Variants in XPR1 observed in about 807,000 individuals in gnomAD.
The protein encoded by XPR1 is solute carrier family 53 member 1.
XPR1 carries 28 observed loss-of-function variants against 87.5 expected under a neutral mutation model. The observed-to-expected ratio is 0.32, with a 90% CI of 0.24 to 0.44. The LOEUF (loss-of-function observed/expected upper bound fraction) is 0.44. Ranked by LOEUF, XPR1 falls within the 20% of genes least tolerant of loss-of-function variation. XPR1 has a pLI of 1.00. For synonymous variants in XPR1, 300 were observed against 306.1 expected, an observed-to-expected ratio of 0.98 and a Z score of 0.21; for missense variants, 559 against 862.3, an observed-to-expected ratio of 0.65 and a Z score of 4.41.
intron 2 of XPR1, among the ~76,000 whole-genome samples, chr1:180,738,508 C>T (rs1478088590): frequency 6.6e-6 from 1 of 152,048 alleles, no homozygotes; most frequent in African/African-American, 2.4e-5. Context: ...TTATTGAGGT[C>T]TAATTCACCT....
intron 1 of XPR1, among the ~76,000 whole-genome samples, chr1:180,664,559 C>T (rs1165949855): frequency 1.3e-5 from 2 of 152,178 alleles, no homozygotes; most frequent in African/African-American, 2.4e-5. Context: ...TCTCTTCACA[C>T]AGAAGGAAGG....
intron 2 of XPR1, among the ~76,000 whole-genome samples, chr1:180,741,730 G>A (rs1658930622): frequency 1.3e-5 from 2 of 152,076 alleles, no homozygotes; most frequent in Admixed American, 1.3e-4. Context: ...CAGGTGATCT[G>A]CCCACCTCAG....
intron 2 of XPR1, among the ~76,000 whole-genome samples, chr1:180,756,229 G>T (rs574528327): frequency 7.2e-5 from 11 of 152,286 alleles, no homozygotes; most frequent in Non-Finnish European, 1.3e-4. Flanking sequence ...TAACTGTCTT[G>T]CAATCTTCTG....
At chr1:180,829,757 A>G (rs1250152675) in intron 9 of XPR1, among the ~76,000 whole-genome samples, 2 of 151,968 alleles carry the variant, frequency 1.3e-5, no homozygotes, top group Non-Finnish European at 2.9e-5. Flanking sequence ...ATTATATAAC[A>G]TTTACTACTC....
intron 11 of XPR1, among the ~76,000 whole-genome samples, chr1:180,845,887 T>C (rs1412117631): frequency 2.0e-5 from 3 of 152,184 alleles, no homozygotes; most frequent in Admixed American, 6.5e-5. Flanking sequence ...AACTAACATA[T>C]TAATGTTGTT....
intron 10 of XPR1, among the ~76,000 whole-genome samples, chr1:180,835,496 A>G (rs1195963864): frequency 2.0e-5 from 3 of 150,300 alleles, no homozygotes; most frequent in South Asian, 4.2e-4. Context: ...CCGTTTTCGC[A>G]CCCCCCCCTT....
chr1:180,855,702 C>T (rs933153705), intron 11 of XPR1, among the ~76,000 whole-genome samples: 14 of 151,176 alleles, frequency 9.3e-5, no homozygotes, highest in Non-Finnish European at 1.0e-4. Context: ...GACGGTTTTA[C>T]TATAACTTTC....
At chr1:180,835,079 C>A in intron 10 of XPR1, 34 bp downstream of exon 10, 1 of 1,599,630 alleles carries the variant, frequency 6.3e-7, no homozygotes, top group Non-Finnish European at 8.5e-7. Context: ...ACTACTAAAT[C>A]GCTGGTGTAA....
chr1:180,887,173 C>G lies in XPR1; in HGVS notation c.*3107C>G, dbSNP rs1265361162. 6.6e-6 allele frequency: 1 copy of G among 152,210 alleles called. No homozygotes were observed. The highest frequency in any genetic ancestry group is 2.4e-5 in the African/African-American group (1 of 41,442). The allele number at this position is 152,210 out of a possible 1,614,324, so 9.4% of individuals were successfully genotyped here. On this transcript the variant is annotated 3_prime_UTR_variant, in exon 15 of 15. Coordinates refer to ENST00000367590, the MANE Select transcript of XPR1 (RefSeq NM_004736.4). ...ACTGCCTGGGCAACAGAGCAAGACT[C>G]CATCTCAAAAACAAACAAAAAAAAT... is the stretch of plus-strand genomic sequence containing the variant.
chr1:180,802,405 G>A (rs575561514), intron 3 of XPR1, among the ~76,000 whole-genome samples: 6 of 152,092 alleles, frequency 3.9e-5, no homozygotes, highest in Non-Finnish European at 8.8e-5. Flanking sequence ...TGTAATACCT[G>A]GTTTAGAGAA....
At chr1:180,737,370 GTGATATACTATT>G (rs766248063) in intron 2 of XPR1, among the ~76,000 whole-genome samples, 2 of 152,186 alleles carry the variant, frequency 1.3e-5, no homozygotes, top group African/African-American at 2.4e-5. Context: ...TTTCTAAAAC[GTGATATACTATT>G]TTCCCTTCTT....
chr1:180,882,242 G>C (rs1652868825), intron 14 of XPR1, among the ~76,000 whole-genome samples: 1 of 152,198 alleles, frequency 6.6e-6, no homozygotes, highest in South Asian at 2.1e-4. Context: ...ATTAGGAATG[G>C]AACAGTTGGT....
chr1:180,863,895 T>G (rs1652298998), intron 12 of XPR1, 21 bp downstream of exon 12: 1 of 1,551,216 alleles, frequency 6.4e-7, no homozygotes, highest in Non-Finnish European at 8.7e-7. Context: ...AGAGTGTGTT[T>G]GTTTAAAAGA....
chr1:180,795,521 T>A (rs928540384), intron 3 of XPR1, among the ~76,000 whole-genome samples: 2 of 152,204 alleles, frequency 1.3e-5, no homozygotes, highest in African/African-American at 2.4e-5. Flanking sequence ...ATAAAATTGC[T>A]TAGAAATACT....
chr1:180,737,635 G>A (rs567670954), intron 2 of XPR1, among the ~76,000 whole-genome samples: 50 of 152,180 alleles, frequency 3.3e-4, no homozygotes, highest in African/African-American at 9.2e-4. Context: ...CATAACCCGC[G>A]CCAGCTGCTG....
intron 1 of XPR1, among the ~76,000 whole-genome samples, chr1:180,648,722 G>A (rs1427616857): frequency 1.3e-5 from 2 of 152,124 alleles, no homozygotes; most frequent in South Asian, 2.1e-4. Flanking sequence ...TGCCCAGGCT[G>A]GTCTCAGACT....
At chr1:180,658,139 A>G (rs1369781056) in intron 1 of XPR1, among the ~76,000 whole-genome samples, 1 of 152,160 alleles carries the variant, frequency 6.6e-6, no homozygotes, top group Non-Finnish European at 1.5e-5. Context: ...TCGATTTTGT[A>G]TCCTGCAACT....
At chr1:180,739,683 C>A (rs1404832319) in intron 2 of XPR1, among the ~76,000 whole-genome samples, 2 of 152,084 alleles carry the variant, frequency 1.3e-5, no homozygotes, top group African/African-American at 4.8e-5. Flanking sequence ...TTTAAAAAAT[C>A]TGTTGTAAAT....
chr1:180,789,002 G>T (rs185180453), intron 3 of XPR1, among the ~76,000 whole-genome samples: 1 of 152,118 alleles, frequency 6.6e-6, no homozygotes, highest in East Asian at 1.9e-4. Flanking sequence ...TCAACTAGAG[G>T]CTGATCATTC....
Sources: allele counts gnomAD v4.1 joint callset (sites outside exome capture counted in the v4.1 genomes callset), GRCh38; gene constraint gnomAD v4.1.1; transcripts MANE v1.5; gene names NCBI Gene and HGNC (gene_info 2026-07-23, HGNC 2026-07-21).